MALRD1: variants seen among roughly 807,000 people sequenced by gnomAD.
MALRD1 encodes the protein MAM and LDL receptor class A domain containing 1, also known as MAM and LDL-receptor class A domain-containing protein 1.
In MALRD1, 247 loss-of-function variants were observed where a neutral mutation model predicts 242.1. The ratio of observed to expected loss-of-function variants is 1.02; its 90% CI spans 0.92 to 1.13. The LOEUF (loss-of-function observed/expected upper bound fraction) is 1.13, where lower values mean the gene tolerates loss of function less well. MALRD1 is among the 50% of genes most tolerant of loss of function. The pLI is 0.00. For synonymous variants in MALRD1, 995 were observed against 866.6 expected, an observed-to-expected ratio of 1.15 and a Z score of -2.60; for missense variants, 2,989 against 2,533.1, an observed-to-expected ratio of 1.18 and a Z score of -3.86.
chr10:19,331,919 GCAGT>G (rs1843389733), intron 24 of MALRD1, among the ~76,000 whole-genome samples: 1 of 152,156 alleles, frequency 6.6e-6, no homozygotes, highest in Non-Finnish European at 1.5e-5. Flanking sequence ...AGGATGGAGT[GCAGT>G]GGCGTGATCT....
chr10:19,598,783 C>A (rs1838224698), intron 34 of MALRD1, among the ~76,000 whole-genome samples: 3 of 152,034 alleles, frequency 2.0e-5, no homozygotes. Context: ...GATAAAGTGG[C>A]AGGCAGAACC....
chr10:19,203,701 C>T lies in MALRD1; in HGVS notation c.1952-27C>T, dbSNP rs1449962035. On this transcript the variant is annotated intron_variant, in intron 14 of 39. Transcript: ENST00000454679. ...GTGTGGGAGCAGTTTGGAGAGCCAA[C>T]ATAAGAGCCACATTTTTGTTCTTCA... 5.3e-6 allele frequency: 8 copies of T among 1,502,554 alleles called. No homozygotes were observed. The Admixed American group carries it at 1.7e-4, about 33-fold the overall frequency. The allele number at this position is 1,502,554 out of a possible 1,614,324, so 93.1% of individuals were successfully genotyped here.
intron 31 of MALRD1, among the ~76,000 whole-genome samples, chr10:19,501,971 G>A (rs1472088677): frequency 7.0e-6 from 1 of 143,576 alleles, no homozygotes; most frequent in Non-Finnish European, 1.5e-5. Context: ...TGAGGCTGCA[G>A]TGTCGTGTTT....
chr10:19,171,429 C>CATATATATAT (rs71387049), intron 13 of MALRD1, among the ~76,000 whole-genome samples: 7 of 61,424 alleles, frequency 1.1e-4, no homozygotes, highest in Non-Finnish European at 2.0e-4. Flanking sequence ...ATTTTATATA[C>CATATATATAT]ATATATATAT....
rs1836654707 is a variant in MALRD1 at position 19,203,704 on chromosome 10, A to G, written c.1952-24A>G. 1.3e-5 allele frequency: 19 copies of G among 1,505,640 alleles called. No homozygotes were observed. In the South Asian group the frequency reaches 1.9e-4, roughly 15 times the overall value. 93.3% of individuals were successfully genotyped at this position (1,505,640 alleles called of 1,614,324 possible). A position where few individuals can be genotyped will look rare whatever the true frequency, so the allele number is the denominator to read the frequency against. On this transcript the variant is annotated intron_variant, in intron 14 of 39. Transcript: ENST00000454679. ...TGGGAGCAGTTTGGAGAGCCAACAT[A>G]AGAGCCACATTTTTGTTCTTCAGTT... is the stretch of plus-strand genomic sequence containing the variant.
chr10:19,058,909 TTA>T (rs1418699721), intron 1 of MALRD1, among the ~76,000 whole-genome samples: 1 of 152,172 alleles, frequency 6.6e-6, no homozygotes, highest in Admixed American at 6.5e-5. Flanking sequence ...GGCAAGAGAA[TTA>T]TAAACTCTAC....
At chr10:19,357,234 A>G (rs1165199711) in intron 26 of MALRD1, among the ~76,000 whole-genome samples, 2 of 152,098 alleles carry the variant, frequency 1.3e-5, no homozygotes, top group Non-Finnish European at 1.5e-5. Flanking sequence ...TTTTTACCCA[A>G]TGTATCTGAA....
At position 19,274,826 on chromosome 10, in the gene MALRD1, G is replaced by T. The variant is rs571472109; in HGVS notation, c.3080-5221G>T. Among the ~76,000 whole-genome samples the T allele has an allele frequency of 5.3e-5, 8 of 152,050 alleles. No individual in the cohort carries two copies. In the South Asian group the frequency reaches 1.7e-3, roughly 32 times the overall value. ...GGTGCTTGCCGAGAGCTGGGGGGAGGCAGGAAGGAAGGGGAACAAGTGTTT... is the reference window on the plus strand; with the variant it reads ...GGTGCTTGCCGAGAGCTGGGGGGAGTCAGGAAGGAAGGGGAACAAGTGTTT... On this transcript the variant is annotated intron_variant, in intron 19 of 39. Coordinates refer to ENST00000454679, the MANE Select transcript of MALRD1 (RefSeq NM_001142308.3).
intron 13 of MALRD1, among the ~76,000 whole-genome samples, chr10:19,170,270 CA>C (rs1238589299): frequency 2.0e-5 from 3 of 152,170 alleles, no homozygotes; most frequent in Non-Finnish European, 4.4e-5. Context: ...TTCAGCTTTT[CA>C]CACTAATAGA....
chr10:19,195,598 A>G (rs989799638), intron 14 of MALRD1, among the ~76,000 whole-genome samples: 4 of 152,168 alleles, frequency 2.6e-5, no homozygotes, highest in Non-Finnish European at 5.9e-5. Context: ...TTTCCTCCAA[A>G]CACAGTCTTA....
chr10:19,593,233 A>G (rs955216089), intron 33 of MALRD1, among the ~76,000 whole-genome samples: 2 of 152,184 alleles, frequency 1.3e-5, no homozygotes, highest in African/African-American at 4.8e-5. Context: ...AAAACATGAT[A>G]GCGATGTCTC....
At chr10:19,636,063 G>T (rs938020213) in intron 36 of MALRD1, among the ~76,000 whole-genome samples, 2 of 151,968 alleles carry the variant, frequency 1.3e-5, no homozygotes, top group South Asian at 2.1e-4. Context: ...ACCACGCCTG[G>T]CTAATTTTTT....
intron 26 of MALRD1, among the ~76,000 whole-genome samples, chr10:19,374,845 G>C (rs974745652): frequency 6.6e-6 from 1 of 152,174 alleles, no homozygotes; most frequent in Non-Finnish European, 1.5e-5. Flanking sequence ...ATATTAGCCA[G>C]AAACTAGTAG....
intron 10 of MALRD1, among the ~76,000 whole-genome samples, chr10:19,138,390 G>A (rs924405916): frequency 2.6e-5 from 4 of 151,402 alleles, no homozygotes; most frequent in Non-Finnish European, 4.4e-5. Flanking sequence ...ATAACTGAAG[G>A]AAAATATATT....
chr10:19,049,461 C>G (rs1283446904), intron 1 of MALRD1, among the ~76,000 whole-genome samples: 1 of 152,162 alleles, frequency 6.6e-6, no homozygotes, highest in Non-Finnish European at 1.5e-5. Flanking sequence ...ATTAATGCAG[C>G]TGTAAAATGC....
intron 29 of MALRD1, chr10:19,488,998 A>C (rs574423191): frequency 2.2e-6 from 1 of 455,284 alleles, no homozygotes; most frequent in Admixed American, 2.4e-5. Context: ...ATCCGGTTCT[A>C]TCCGGTTCTC....
chr10:19,151,243 A>G (rs993429849), intron 11 of MALRD1, among the ~76,000 whole-genome samples: 1 of 152,048 alleles, frequency 6.6e-6, no homozygotes, highest in African/African-American at 2.4e-5. Flanking sequence ...ACTAAGTAAT[A>G]TTTTACAGCT....
intron 28 of MALRD1, 105 bp downstream of exon 28, chr10:19,389,714 A>T: frequency 8.0e-7 from 1 of 1,245,038 alleles, no homozygotes; most frequent in Non-Finnish European, 1.1e-6. Context: ...GTCATGGCTT[A>T]CTGCAGCCTC....
intron 36 of MALRD1, among the ~76,000 whole-genome samples, chr10:19,645,432 CG>C: frequency 6.6e-6 from 1 of 152,246 alleles, no homozygotes; most frequent in African/African-American, 2.4e-5. Flanking sequence ...TGCACACATA[CG>C]TTTATTGTGG....
Sources: allele counts gnomAD v4.1 joint callset (sites outside exome capture counted in the v4.1 genomes callset), GRCh38; gene constraint gnomAD v4.1.1; transcripts MANE v1.5; gene names NCBI Gene and HGNC (gene_info 2026-07-23, HGNC 2026-07-21).